CEP128: variants seen among roughly 807,000 people sequenced by gnomAD.
The protein encoded by CEP128 is centrosomal protein 128kDa.
In CEP128, 132 loss-of-function variants were observed where a neutral mutation model predicts 156.7. The ratio of observed to expected loss-of-function variants is 0.84; its 90% CI spans 0.73 to 0.97. The LOEUF is 0.97. Among genes scored for constraint, CEP128 ranks in the 50% least tolerant of loss-of-function variants. The pLI, the probability that CEP128 is intolerant of heterozygous loss-of-function variation, is 0.00. For synonymous variants in CEP128, 469 were observed against 448.9 expected (o/e 1.04, Z -0.57); for missense variants, 1,252 against 1,281.9 (o/e 0.98, Z 0.36).
intron 13 of CEP128, among the ~76,000 whole-genome samples, chr14:80,801,812 G>A (rs1883874074): frequency 6.8e-6 from 1 of 148,134 alleles, no homozygotes; most frequent in Non-Finnish European, 1.5e-5. Flanking sequence ...GGAGGCTGAG[G>A]CAGGAGAATC....
intron 19 of CEP128, among the ~76,000 whole-genome samples, chr14:80,614,812 T>C (rs1169007885): frequency 1.3e-5 from 2 of 152,248 alleles, no homozygotes; most frequent in Admixed American, 6.5e-5. Flanking sequence ...TGTAATAGCA[T>C]TCGTCTTGCT....
rs115935338 is a variant in CEP128 at position 80,765,937 on chromosome 14, A to C, written c.2377-4324T>G. On this transcript the variant is annotated intron_variant, in intron 16 of 24. Coordinates refer to ENST00000555265, the MANE Select transcript of CEP128 (RefSeq NM_152446.5). Reference sequence around the variant, plus strand: ...TTTAGAAAAACAATGTGAAAAATTCAGAAAAGTTTTCAGCAAGTTATGTGA... The same window carrying C: ...TTTAGAAAAACAATGTGAAAAATTCCGAAAAGTTTTCAGCAAGTTATGTGA... Among the ~76,000 whole-genome samples the C allele has an allele frequency of 3.0e-3, 450 of 152,344 alleles. 2 individuals are homozygous for C. Among genetic ancestry groups the C allele is most frequent in the African/African-American group, 1.0e-2 (415 of 41,586 alleles).
At chr14:80,586,770 T>C (rs540842302) in intron 19 of CEP128, among the ~76,000 whole-genome samples, 3 of 152,294 alleles carry the variant, frequency 2.0e-5, no homozygotes, top group East Asian at 3.9e-4. Flanking sequence ...ATATATTCAA[T>C]ATACAGCACA....
At chr14:80,877,144 T>C (rs1308265387) in intron 8 of CEP128, among the ~76,000 whole-genome samples, 7 of 152,072 alleles carry the variant, frequency 4.6e-5, no homozygotes, top group Non-Finnish European at 2.9e-5. Context: ...ACATATGTTG[T>C]AATCCCTAGG....
intron 19 of CEP128, among the ~76,000 whole-genome samples, chr14:80,684,635 A>G (rs537857265): frequency 9.7e-4 from 147 of 151,988 alleles, no homozygotes; most frequent in African/African-American, 3.3e-3. Flanking sequence ...AAACCTAGCA[A>G]AGACACAACA....
chr14:80,674,454 AC>A (rs1895982907), intron 19 of CEP128, among the ~76,000 whole-genome samples: 1 of 152,128 alleles, frequency 6.6e-6, no homozygotes, highest in Non-Finnish European at 1.5e-5. Context: ...TTTCTGCAAA[AC>A]ATATTATGAG....
At chr14:80,578,954 G>A (rs1447792100) in intron 20 of CEP128, among the ~76,000 whole-genome samples, 1 of 152,140 alleles carries the variant, frequency 6.6e-6, no homozygotes, top group African/African-American at 2.4e-5. Flanking sequence ...GTTGGTTGGT[G>A]CATTCTATTG....
At chr14:80,698,781 A>C (rs1483044356) in intron 19 of CEP128, among the ~76,000 whole-genome samples, 1 of 152,212 alleles carries the variant, frequency 6.6e-6, no homozygotes, top group African/African-American at 2.4e-5. Context: ...CATTCTTAAA[A>C]AAAAGTAAAT....
rs991697380 is a variant in CEP128, at chr14:80,549,692, G to T, written c.2880+9587C>A. Reference sequence around the variant, plus strand: ...TCCTGAGTTGTACAGCGGCACTTTAGTAAGTACTCTAACTCATTTGGGTCT... The same window carrying T: ...TCCTGAGTTGTACAGCGGCACTTTATTAAGTACTCTAACTCATTTGGGTCT... On this transcript the variant is annotated intron_variant, in intron 21 of 24. Coordinates refer to ENST00000555265, the MANE Select transcript of CEP128 (RefSeq NM_152446.5). 2.3e-4 allele frequency among the ~76,000 whole-genome samples: 35 copies of T among 152,166 alleles called. 1 individual carries two copies. Among genetic ancestry groups the T allele is most frequent in the Non-Finnish European group, 4.4e-5 (3 of 68,036 alleles).
intron 8 of CEP128, among the ~76,000 whole-genome samples, chr14:80,893,839 G>A (rs893608176): frequency 1.3e-5 from 2 of 151,718 alleles, no homozygotes; most frequent in African/African-American, 4.8e-5. Context: ...ATAAACTAGG[G>A]GATTAAAGAG....
At chr14:80,850,151 A>T (rs898402205) in intron 9 of CEP128, among the ~76,000 whole-genome samples, 2 of 152,178 alleles carry the variant, frequency 1.3e-5, no homozygotes, top group Non-Finnish European at 2.9e-5. Context: ...AGTTTTCATG[A>T]TAAATACAGC....
chr14:80,868,423 T>G (rs932976610), intron 8 of CEP128, among the ~76,000 whole-genome samples: 4 of 151,940 alleles, frequency 2.6e-5, no homozygotes, highest in African/African-American at 9.7e-5. Flanking sequence ...AAAGTTAAGT[T>G]GTCATCAGCT....
Position 80,594,712 on chromosome 14 carries a change from T to C in CEP128, c.2807-14289A>G, listed in dbSNP as rs555911208. The stretch of plus-strand genomic sequence containing the variant: ...AAGACATTTATGCAGCCAACAAATA[T>C]ATGAAAAAAAGCTCATCATCACTGG... On this transcript the variant is annotated intron_variant, in intron 19 of 24. Coordinates refer to ENST00000555265, the MANE Select transcript of CEP128 (RefSeq NM_152446.5). Among the ~76,000 whole-genome samples the C allele has an allele frequency of 3.6e-3, 554 of 152,116 alleles. 4 individuals carry two copies. The highest frequency in any genetic ancestry group is 0.013 in the African/African-American group (530 of 41,508).
At chr14:80,586,856 T>A (rs1891841538) in intron 19 of CEP128, among the ~76,000 whole-genome samples, 1 of 152,160 alleles carries the variant, frequency 6.6e-6, no homozygotes, top group Admixed American at 6.6e-5. Context: ...TAATATAACA[T>A]TTACCAGCAA....
intron 19 of CEP128, among the ~76,000 whole-genome samples, chr14:80,593,823 G>A (rs1424594480): frequency 1.3e-5 from 2 of 152,000 alleles, no homozygotes; most frequent in East Asian, 3.9e-4. Flanking sequence ...AAATAAGAGA[G>A]GACACAAACA....
At chr14:80,544,642 A>C (rs530990678) in intron 21 of CEP128, among the ~76,000 whole-genome samples, 7 of 152,314 alleles carry the variant, frequency 4.6e-5, no homozygotes, top group Non-Finnish European at 7.4e-5. Context: ...TGGGCAATAT[A>C]ATTTAAAAAA....
chr14:80,857,712 G>C (rs1020255962), intron 9 of CEP128, among the ~76,000 whole-genome samples: 1 of 149,814 alleles, frequency 6.7e-6, no homozygotes, highest in African/African-American at 2.5e-5. Flanking sequence ...CTGCACTCCT[G>C]GGCAACAGAG....
intron 19 of CEP128, among the ~76,000 whole-genome samples, chr14:80,626,170 A>G (rs1298556407): frequency 6.6e-6 from 1 of 152,214 alleles, no homozygotes; most frequent in South Asian, 2.1e-4. Flanking sequence ...TGTCCTTATT[A>G]AGAGTGAGAC....
intron 14 of CEP128, among the ~76,000 whole-genome samples, chr14:80,789,906 T>C (rs2032969798): frequency 1.3e-5 from 2 of 151,750 alleles, no homozygotes; most frequent in Admixed American, 6.6e-5. Context: ...TTTACCTGCA[T>C]GTGAGGGAAA....
Sources: allele counts gnomAD v4.1 joint callset (sites outside exome capture counted in the v4.1 genomes callset), GRCh38; gene constraint gnomAD v4.1.1; transcripts MANE v1.5; gene names NCBI Gene and HGNC (gene_info 2026-07-23, HGNC 2026-07-21).